The following SLC25A13 variants were observed in gnomAD, a reference collection of about 807,000 sequenced individuals.
SLC25A13 encodes the protein solute carrier family 25 member 13.
SLC25A13 carries 70 observed loss-of-function variants against 85.5 expected under a neutral mutation model. That is an observed-to-expected ratio of 0.82 (90% CI 0.68 to 1.00). The LOEUF (loss-of-function observed/expected upper bound fraction) is 1.00, where lower values mean the gene tolerates loss of function less well. Among genes scored for constraint, SLC25A13 ranks in the 50% least tolerant of loss-of-function variants. SLC25A13 has a pLI of 0.00. For missense variants in SLC25A13, 765 were observed against 819.8 expected (o/e 0.93, Z 0.82); for synonymous variants, 259 against 288.7 (o/e 0.90, Z 1.04).
chr7:96,145,786 T>A (rs1398752033), intron 14 of SLC25A13, among the ~76,000 whole-genome samples: 1 of 152,248 alleles, frequency 6.6e-6, no homozygotes, highest in African/African-American at 2.4e-5. Flanking sequence ...TTTCTTGATA[T>A]GTGTTTATAG....
chr7:96,160,197 A>C lies in SLC25A13; in HGVS notation c.1311+9848T>G, dbSNP rs1325901298. ...ACTCCTCCCTATTTACTAGAAATCCAGAAAGATGGCCCAATATTTGAACTG... is the reference window on the plus strand; with the variant it reads ...ACTCCTCCCTATTTACTAGAAATCCCGAAAGATGGCCCAATATTTGAACTG... On this transcript the variant is annotated intron_variant, in intron 13 of 17. Transcript: ENST00000265631. Among the ~76,000 whole-genome samples the C allele has an allele frequency of 2.0e-5, 3 of 152,236 alleles. No homozygotes were observed. In the East Asian group the frequency reaches 5.8e-4, roughly 29 times the overall value.
At chr7:96,164,723 C>A (rs1350389266) in intron 13 of SLC25A13, among the ~76,000 whole-genome samples, 1 of 151,760 alleles carries the variant, frequency 6.6e-6, no homozygotes, top group Non-Finnish European at 1.5e-5. Flanking sequence ...CACACACACA[C>A]ACACACACAC....
intron 1 of SLC25A13, among the ~76,000 whole-genome samples, chr7:96,314,605 G>A (rs2117033453): frequency 6.6e-6 from 1 of 152,210 alleles, no homozygotes; most frequent in Middle Eastern, 3.4e-3. Flanking sequence ...TTATGAGGCA[G>A]CAAATGCCAA....
intron 4 of SLC25A13, among the ~76,000 whole-genome samples, chr7:96,230,321 G>A (rs1562862315): frequency 6.6e-6 from 1 of 152,180 alleles, no homozygotes; most frequent in Non-Finnish European, 1.5e-5. Context: ...CATTGGGATT[G>A]GGGAACAGTG....
intron 11 of SLC25A13, among the ~76,000 whole-genome samples, chr7:96,172,206 A>G (rs754194105): frequency 6.6e-5 from 10 of 152,140 alleles, no homozygotes; most frequent in South Asian, 4.1e-4. Context: ...TATCCAACCT[A>G]TAAGTGTGTT....
At chr7:96,146,435 G>T in intron 14 of SLC25A13, 121 bp downstream of exon 14, 2 of 1,327,158 alleles carry the variant, frequency 1.5e-6, no homozygotes, top group Non-Finnish European at 2.1e-6. Context: ...TGCAGCTTGG[G>T]TAGAACATCT....
Position 96,310,087 on chromosome 7 carries a change from C to A in SLC25A13, c.15+11855G>T, listed in dbSNP as rs73405038. Among the ~76,000 whole-genome samples the A allele has an allele frequency of 6.4e-3, 974 of 152,270 alleles. 13 individuals are homozygous for A. Among genetic ancestry groups the A allele is most frequent in the African/African-American group, 0.023 (945 of 41,546 alleles). On this transcript the variant is annotated intron_variant, in intron 1 of 17. Coordinates refer to ENST00000265631, the MANE Select transcript of SLC25A13 (RefSeq NM_014251.3). ...CATCTCAGACTTTTAACTTCCAGAACTGTGAAAAAATAAATTTCTGCTGTT... is the reference window on the plus strand; with the variant it reads ...CATCTCAGACTTTTAACTTCCAGAAATGTGAAAAAATAAATTTCTGCTGTT...
chr7:96,177,759 G>A (rs899360481), intron 11 of SLC25A13, among the ~76,000 whole-genome samples: 7 of 152,086 alleles, frequency 4.6e-5, no homozygotes, highest in African/African-American at 1.7e-4. Context: ...ATGGAAACTG[G>A]AATCCAGACA....
At chr7:96,209,541 A>G (rs1292182937) in intron 4 of SLC25A13, among the ~76,000 whole-genome samples, 1 of 152,200 alleles carries the variant, frequency 6.6e-6, no homozygotes, top group Non-Finnish European at 1.5e-5. Context: ...GCACGTGAAG[A>G]CAAAGAAAAT....
chr7:96,139,146 T>C (rs1584359727), intron 14 of SLC25A13, among the ~76,000 whole-genome samples: 1 of 152,234 alleles, frequency 6.6e-6, no homozygotes, highest in East Asian at 1.9e-4. Context: ...ACAACGATAC[T>C]ATGAATAGGT....
intron 3 of SLC25A13, among the ~76,000 whole-genome samples, chr7:96,274,351 C>T (rs907663738): frequency 3.3e-5 from 5 of 151,874 alleles, no homozygotes; most frequent in South Asian, 2.1e-4. Flanking sequence ...TTGTTGATGG[C>T]GCTGTTTGTT....
At chr7:96,154,795 C>CTTT (rs199642402) in intron 13 of SLC25A13, among the ~76,000 whole-genome samples, 6 of 122,328 alleles carry the variant, frequency 4.9e-5, no homozygotes, top group African/African-American at 1.1e-4. Context: ...ATTTCAGCAT[C>CTTT]TTTTTCTTTT....
At chr7:96,242,059 A>C (rs1490342585) in intron 3 of SLC25A13, among the ~76,000 whole-genome samples, 1 of 152,204 alleles carries the variant, frequency 6.6e-6, no homozygotes, top group Non-Finnish European at 1.5e-5. Flanking sequence ...TGTACCATCA[A>C]AATCCAATTA....
intron 14 of SLC25A13, among the ~76,000 whole-genome samples, chr7:96,133,741 T>G (rs1416939328): frequency 6.6e-6 from 1 of 152,028 alleles, no homozygotes; most frequent in Non-Finnish European, 1.5e-5. Flanking sequence ...CACATGTAGA[T>G]TCAGTCCAGA....
chr7:96,207,361 G>A (rs1377043907), intron 5 of SLC25A13, among the ~76,000 whole-genome samples: 2 of 152,092 alleles, frequency 1.3e-5, no homozygotes, highest in Non-Finnish European at 2.9e-5. Context: ...TCTTTACCAA[G>A]TGAGCACCAC....
intron 3 of SLC25A13, among the ~76,000 whole-genome samples, chr7:96,260,154 G>A (rs1033963846): frequency 7.2e-5 from 11 of 151,968 alleles, no homozygotes; most frequent in Non-Finnish European, 1.2e-4. Context: ...GTATACCTAT[G>A]TAATAAACCT....
intron 11 of SLC25A13, among the ~76,000 whole-genome samples, chr7:96,183,357 A>G (rs73710209): frequency 0.021 from 3,267 of 152,252 alleles, 119 homozygotes; most frequent in African/African-American, 0.076. Flanking sequence ...GAAGAGGCCC[A>G]GAGGCACAGG....
intron 2 of SLC25A13, chr7:96,283,668 TC>T: frequency 3.4e-6 from 1 of 295,232 alleles, no homozygotes. Context: ...TGAGATAGCT[TC>T]CTGAAATGCA....
chr7:96,219,184 A>T (rs1209362345), intron 4 of SLC25A13, among the ~76,000 whole-genome samples: 1 of 152,210 alleles, frequency 6.6e-6, no homozygotes, highest in East Asian at 1.9e-4. Context: ...AATGGTTGCC[A>T]TTAAAACATA....
Sources: gnomAD v4.1 joint callset for allele counts (sites outside exome capture counted in the v4.1 genomes callset) on GRCh38, gnomAD v4.1.1 for gene constraint, MANE v1.5 for transcripts, NCBI Gene and HGNC (gene_info 2026-07-23, HGNC 2026-07-21) for gene names.